The following MGST1 variants were observed in gnomAD, a reference collection of about 807,000 sequenced individuals.
The protein encoded by MGST1 is glutathione S-transferase 12.
A neutral mutation model predicts 8.9 loss-of-function variants in MGST1; 5 were observed. That is an observed-to-expected ratio of 0.56 (90% confidence interval 0.29 to 1.19). The LOEUF (loss-of-function observed/expected upper bound fraction) is 1.19. Among genes scored for constraint, MGST1 ranks in the 50% most tolerant of loss-of-function variants. The pLI, the probability that MGST1 is intolerant of heterozygous loss-of-function variation, is 0.08. For missense variants in MGST1, 182 were observed against 187.4 expected (o/e 0.97, Z 0.17); for synonymous variants, 54 against 67.8 (o/e 0.80, Z 1.00).
At position 16,350,806 on chromosome 12, in the gene MGST1, G is replaced by T. The variant is rs535218406; in HGVS notation, c.-23+3096G>T. 3.9e-5 allele frequency: 6 copies of T among 152,374 alleles called. No homozygotes were observed. In the East Asian group the frequency reaches 1.2e-3, roughly 29 times the overall value. 9.4% of individuals were successfully genotyped at this position (152,374 alleles called of 1,614,324 possible). On this transcript the variant is annotated intron_variant, in intron 1 of 3. Coordinates refer to ENST00000396210, the MANE Select transcript of MGST1 (RefSeq NM_020300.5). ...TGGTTCATTGACTCATCAGGTGTGT[G>T]TCAGATGCTTGGTGCTGGCCAGTCT...
chr12:16,404,911 T>A (rs749500705), intron 1 of MGST1, among the ~76,000 whole-genome samples: 13 of 149,140 alleles, frequency 8.7e-5, no homozygotes, highest in Non-Finnish European at 1.9e-4. Context: ...ACTCTCTCGG[T>A]TTTTGTCTTC....
intron 1 of MGST1, among the ~76,000 whole-genome samples, chr12:16,416,227 G>T (rs1455462135): frequency 6.6e-6 from 1 of 152,102 alleles, no homozygotes; most frequent in African/African-American, 2.4e-5. Flanking sequence ...GAACTTGCAT[G>T]TTTCTGCTTA....
At chr12:16,358,247 G>A (rs1466426105) in intron 3 of MGST1, among the ~76,000 whole-genome samples, 1 of 152,146 alleles carries the variant, frequency 6.6e-6, no homozygotes, top group Non-Finnish European at 1.5e-5. Flanking sequence ...CACCCAGGTA[G>A]TGAGCATAGT....
At chr12:16,358,649 GT>G (rs1555094365) in intron 3 of MGST1, among the ~76,000 whole-genome samples, 13 of 151,854 alleles carry the variant, frequency 8.6e-5, no homozygotes, top group Non-Finnish European at 1.5e-5. Context: ...TGTATTTTCA[GT>G]AGAGGCTGGG....
chr12:16,518,885 T>C (rs950169468), intron 4 of MGST1, among the ~76,000 whole-genome samples: 3 of 152,252 alleles, frequency 2.0e-5, no homozygotes, highest in African/African-American at 7.2e-5. Context: ...CTGAGGACAT[T>C]ATCAGCTACA....
chr12:16,374,138 T>A (rs982933702), intron 3 of MGST1, among the ~76,000 whole-genome samples: 2 of 152,164 alleles, frequency 1.3e-5, no homozygotes, highest in African/African-American at 2.4e-5. Flanking sequence ...AAACCATTAA[T>A]GTTTAATCAC....
At chr12:16,541,211 A>G (rs1565471952) in intron 4 of MGST1, among the ~76,000 whole-genome samples, 1 of 152,238 alleles carries the variant, frequency 6.6e-6, no homozygotes, top group Admixed American at 6.5e-5. Context: ...AATACAATTG[A>G]GTAAAATACA....
chr12:16,349,611 T>G (rs1336844114), intron 1 of MGST1, among the ~76,000 whole-genome samples: 1 of 152,092 alleles, frequency 6.6e-6, no homozygotes, highest in Non-Finnish European at 1.5e-5. Context: ...TACCTCAGGA[T>G]TTTTCGGGTC....
At chr12:16,432,537 A>G (rs1464033784) in intron 1 of MGST1, among the ~76,000 whole-genome samples, 1 of 152,030 alleles carries the variant, frequency 6.6e-6, no homozygotes, top group African/African-American at 2.4e-5. Context: ...GCAATGGAAC[A>G]AGCAATGAGT....
chr12:16,574,703 G>A (rs1442413965), intron 4 of MGST1, among the ~76,000 whole-genome samples: 2 of 152,160 alleles, frequency 1.3e-5, no homozygotes, highest in African/African-American at 2.4e-5. Flanking sequence ...AAAATGGCTT[G>A]TTTCCAACCG....
At chr12:16,425,546 A>G (rs979660633) in intron 1 of MGST1, among the ~76,000 whole-genome samples, 42 of 152,280 alleles carry the variant, frequency 2.8e-4, no homozygotes, top group African/African-American at 9.6e-4. Context: ...GGCCTCCCAA[A>G]TTGCTGGGAT....
intron 4 of MGST1, among the ~76,000 whole-genome samples, chr12:16,558,441 T>C (rs941252040): frequency 2.0e-5 from 3 of 152,104 alleles, no homozygotes; most frequent in African/African-American, 7.2e-5. Context: ...TCAACAAAAG[T>C]ATTCTAAATT....
chr12:16,469,178 CTTTTTT>C (rs11292991), intron 4 of MGST1, among the ~76,000 whole-genome samples: 2 of 77,518 alleles, frequency 2.6e-5, no homozygotes, highest in East Asian at 4.2e-4. Flanking sequence ...TGCTCTATTC[CTTTTTT>C]TTTTTTTTTT....
At chr12:16,526,621 C>G (rs1941688307) in intron 4 of MGST1, among the ~76,000 whole-genome samples, 2 of 151,660 alleles carry the variant, frequency 1.3e-5, no homozygotes, top group African/African-American at 4.8e-5. Context: ...TTTTTATTAC[C>G]AAGGTCTTGC....
downstream of MGST1, among the ~76,000 whole-genome samples, chr12:16,439,541 A>G (rs749714262): frequency 9.2e-5 from 14 of 151,710 alleles, no homozygotes; most frequent in Non-Finnish European, 1.6e-4. Flanking sequence ...TTGATTGTCA[A>G]TCTTTCTGTC....
At chr12:16,502,364 G>A (rs985678119) in intron 4 of MGST1, among the ~76,000 whole-genome samples, 2 of 152,124 alleles carry the variant, frequency 1.3e-5, no homozygotes, top group Non-Finnish European at 2.9e-5. Flanking sequence ...ATAAATAGGT[G>A]CAATTGTGTG....
At chr12:16,432,731 C>CACACACACAGAGAGAG (rs775306657) in intron 1 of MGST1, among the ~76,000 whole-genome samples, 15 of 132,754 alleles carry the variant, frequency 1.1e-4, no homozygotes, top group Admixed American at 3.1e-4. Context: ...CACACACACA[C>CACACACACAGAGAGAG]AGAGAGAGAG....
chr12:16,486,447 A>T (rs1455959499), intron 4 of MGST1, among the ~76,000 whole-genome samples: 1 of 152,226 alleles, frequency 6.6e-6, no homozygotes, highest in East Asian at 1.9e-4. Context: ...GTATAAAATA[A>T]TTGGCAAATT....
At chr12:16,353,389 C>T (rs1214826907) in intron 1 of MGST1, 7 of 152,180 alleles carry the variant, frequency 4.6e-5, no homozygotes, top group African/African-American at 1.4e-4. Context: ...ATCCCTCAAG[C>T]AAGGTTAACA....
Sources: gnomAD v4.1 joint callset for allele counts (sites outside exome capture counted in the v4.1 genomes callset) on GRCh38, gnomAD v4.1.1 for gene constraint, MANE v1.5 for transcripts, NCBI Gene and HGNC (gene_info 2026-07-23, HGNC 2026-07-21) for gene names.